The following ADGRV1 variants were observed in gnomAD, a reference collection of about 807,000 sequenced individuals.
ADGRV1 encodes adhesion G protein-coupled receptor V1.
ADGRV1 carries 359 observed loss-of-function variants against 596.2 expected under a neutral mutation model. The ratio of observed to expected loss-of-function variants is 0.60; its 90% CI spans 0.55 to 0.66. The LOEUF (loss-of-function observed/expected upper bound fraction) is 0.66, where lower values mean the gene tolerates loss of function less well. Ranked by LOEUF, ADGRV1 falls within the 30% of genes least tolerant of loss-of-function variation. ADGRV1 has a pLI of 0.00. For missense variants in ADGRV1, 7,274 were observed against 7,575.6 expected, an observed-to-expected ratio of 0.96 and a Z score of 1.48; for synonymous variants, 2,681 against 2,679.2, an observed-to-expected ratio of 1.00 and a Z score of -0.02.
chr5:90,992,178 G>T (rs1781024101), intron 85 of ADGRV1, among the ~76,000 whole-genome samples: 1 of 152,204 alleles, frequency 6.6e-6, no homozygotes, highest in South Asian at 2.1e-4. Flanking sequence ...TGTCTAGCTT[G>T]CTTTAATAAA....
chr5:90,863,697 T>C, intron 82 of ADGRV1, 60 bp from the exon 83 acceptor site: 1 of 1,238,838 alleles, frequency 8.1e-7, no homozygotes, highest in Non-Finnish European at 1.2e-6. Context: ...ATTCTTGCTA[T>C]GATGCTGTTA....
intron 78 of ADGRV1, among the ~76,000 whole-genome samples, chr5:90,847,694 G>A (rs1028625319): frequency 7.2e-5 from 11 of 152,182 alleles, no homozygotes; most frequent in African/African-American, 1.7e-4. Context: ...GCAAGAAGTC[G>A]AGCACGGCAG....
intron 87 of ADGRV1, among the ~76,000 whole-genome samples, chr5:91,125,869 C>T (rs1014527672): frequency 6.6e-6 from 1 of 152,180 alleles, no homozygotes; most frequent in African/African-American, 2.4e-5. Context: ...ACAGAGGGAT[C>T]TTATTTCATT....
At chr5:91,159,734 G>A (rs143253197) in intron 89 of ADGRV1, among the ~76,000 whole-genome samples, 2 of 151,830 alleles carry the variant, frequency 1.3e-5, no homozygotes, top group African/African-American at 2.4e-5. Flanking sequence ...GCTGTCTAAT[G>A]TATCATCAGT....
In ADGRV1 at chr5:90,647,675, G is replaced by T; in HGVS notation, c.3200G>T (p.Ser1067Ile). ...GAAACGCTCATTTTTGAGGTTGGAA[G>T]TAGACAGCAGAGCATATCCATATTT... ...KGETLIFEVG[S>I]RQQSISIFVN... Residue 1067 changes from serine (S) to isoleucine (I), a missense_variant, in exon 17 of 90, where the codon AGT becomes ATT. This residue lies in a region of ADGRV1 where 1,715 missense variants were observed against 1,708.8 expected (regional missense o/e 1.00). Transcript: ENST00000405460. The T allele has an allele frequency of 1.9e-6, 3 of 1,613,972 alleles. No individual in the cohort carries two copies. Among genetic ancestry groups the T allele is most frequent in the Non-Finnish European group, 2.5e-6 (3 of 1,179,836 alleles).
intron 83 of ADGRV1, among the ~76,000 whole-genome samples, chr5:90,924,102 T>G (rs1285217864): frequency 6.6e-6 from 1 of 151,696 alleles, no homozygotes; most frequent in Non-Finnish European, 1.5e-5. Context: ...CGTGTGCATG[T>G]GTCTTTATAG....
chr5:90,645,866 G>A (rs1390582116), intron 15 of ADGRV1, 102 bp from the exon 16 acceptor site: 1 of 842,666 alleles, frequency 1.2e-6, no homozygotes, highest in Non-Finnish European at 1.7e-6. Flanking sequence ...AATAATGGTA[G>A]TGTTAATGGT....
intron 83 of ADGRV1, among the ~76,000 whole-genome samples, chr5:90,869,885 G>A (rs1581378774): frequency 6.6e-6 from 1 of 152,144 alleles, no homozygotes; most frequent in African/African-American, 2.4e-5. Context: ...TTTGAACACA[G>A]CAGCCAGCCT....
At chr5:90,643,658 G>T (rs1344062711) in intron 13 of ADGRV1, 145 bp from the exon 14 acceptor site, 4 of 548,174 alleles carry the variant, frequency 7.3e-6, no homozygotes, top group Non-Finnish European at 1.2e-5. Context: ...AATTTTTAAA[G>T]AAATGATACC....
intron 86 of ADGRV1, among the ~76,000 whole-genome samples, chr5:91,101,402 T>C (rs942278642): frequency 3.3e-5 from 5 of 152,190 alleles, no homozygotes; most frequent in African/African-American, 1.2e-4. Context: ...AAGTTGTCAG[T>C]GGTGTGGTCT....
intron 85 of ADGRV1, among the ~76,000 whole-genome samples, chr5:90,996,867 T>A (rs1781463642): frequency 6.6e-6 from 1 of 152,194 alleles, no homozygotes; most frequent in African/African-American, 2.4e-5. Context: ...GCTTTAAGAT[T>A]TAATGACTGC....
rs959853934 is a variant in ADGRV1 at position 90,693,925 on chromosome 5, G to A, written c.7169G>A (p.Ser2390Asn). Residue 2390 changes from serine (S) to asparagine (N), a missense_variant, in exon 33 of 90, where the codon AGT (serine) becomes AAT (asparagine). Transcript: ENST00000405460. ...GHFGRLLLFY[S>N]TSDIDVVALA... ...TTTGGTCGGCTGTTGTTGTTCTACAGTACTTCCGACATTGATGTAGTGGCT... is the reference window on the plus strand; with the variant it reads ...TTTGGTCGGCTGTTGTTGTTCTACAATACTTCCGACATTGATGTAGTGGCT... 1 of 1,590,540 alleles carries A rather than the reference G, an allele frequency of 6.3e-7. No individual in the cohort carries two copies. The highest frequency in any genetic ancestry group is 1.7e-5 in the Admixed American group (1 of 58,470).
At chr5:90,962,795 ATCT>A (rs2150958759) in intron 83 of ADGRV1, among the ~76,000 whole-genome samples, 1 of 152,324 alleles carries the variant, frequency 6.6e-6, no homozygotes, top group East Asian at 1.9e-4. Flanking sequence ...TTTGTAACTG[ATCT>A]TCTTATAATT....
At chr5:91,063,511 A>G (rs1787630903) in intron 85 of ADGRV1, among the ~76,000 whole-genome samples, 1 of 152,210 alleles carries the variant, frequency 6.6e-6, no homozygotes, top group Non-Finnish European at 1.5e-5. Flanking sequence ...ATCCTAGAAC[A>G]TGAAGCATTC....
intron 87 of ADGRV1, among the ~76,000 whole-genome samples, chr5:91,114,516 C>T (rs763244120): frequency 6.6e-4 from 100 of 152,042 alleles, no homozygotes; most frequent in Non-Finnish European, 1.0e-3. Context: ...AACAGAGCAA[C>T]TCTGTCAAAA....
intron 20 of ADGRV1, chr5:90,654,455 A>G (rs10043564): frequency 0.45 from 79,068 of 175,372 alleles, 18,093 homozygotes; most frequent in Admixed American, 0.58. Flanking sequence ...TAGGGTTCAT[A>G]CTATCAGCAG....
chr5:90,704,602 T>C, intron 36 of ADGRV1, 114 bp downstream of exon 36: 1 of 616,042 alleles, frequency 1.6e-6, no homozygotes, highest in Non-Finnish European at 2.8e-6. Flanking sequence ...AATGTTACTT[T>C]ATTATGTGTC....
Position 90,656,737 on chromosome 5 carries a change from T to A in ADGRV1, c.4379-1168T>A, listed in dbSNP as rs575945744. Among the ~76,000 whole-genome samples, 3 of 152,334 alleles carry A rather than the reference T, an allele frequency of 2.0e-5. No homozygotes were observed. In the South Asian group the frequency reaches 6.2e-4, roughly 32 times the overall value. On this transcript the variant is annotated intron_variant, in intron 20 of 89. Coordinates refer to ENST00000405460, the MANE Select transcript of ADGRV1 (RefSeq NM_032119.4). ...CACTGAGGTTATTGACAAGAAATATTGCTTGTACTTTTTTTTCCAGAATCT... is the reference window on the plus strand; with the variant it reads ...CACTGAGGTTATTGACAAGAAATATAGCTTGTACTTTTTTTTCCAGAATCT...
At chr5:90,822,622 G>C (rs1763677240) in intron 75 of ADGRV1, among the ~76,000 whole-genome samples, 1 of 152,012 alleles carries the variant, frequency 6.6e-6, no homozygotes, top group Non-Finnish European at 1.5e-5. Context: ...GCTCTTTTTT[G>C]GTTCCATATG....
Sources: allele counts gnomAD v4.1 joint callset (sites outside exome capture counted in the v4.1 genomes callset), GRCh38; gene constraint gnomAD v4.1.1; regional missense constraint gnomAD v4.1.1; transcripts MANE v1.5; gene names NCBI Gene and HGNC (gene_info 2026-07-23, HGNC 2026-07-21).